Variants in CPE observed in about 807,000 individuals in gnomAD.
The protein encoded by CPE is carbocypeptidase E.
In CPE, 17 loss-of-function variants were observed where a neutral mutation model predicts 53.5. The observed-to-expected ratio is 0.32, with a 90% CI of 0.22 to 0.48. The LOEUF (loss-of-function observed/expected upper bound fraction) is 0.48, where lower values mean the gene tolerates loss of function less well. Among genes scored for constraint, CPE ranks in the 20% least tolerant of loss-of-function variants. The pLI is 0.99. For synonymous variants in CPE, 226 were observed against 228.8 expected (o/e 0.99, Z 0.11); for missense variants, 524 against 614.7 (o/e 0.85, Z 1.56).
intron 2 of CPE, among the ~76,000 whole-genome samples, chr4:165,466,785 G>GGATT (rs1685401287): frequency 6.6e-6 from 1 of 151,946 alleles, no homozygotes; most frequent in Non-Finnish European, 1.5e-5. Context: ...CAAAGTGCTG[G>GGATT]GATTACAGGC....
At chr4:165,405,884 T>C (rs1205490285) in intron 1 of CPE, 1 of 737,992 alleles carries the variant, frequency 1.4e-6, no homozygotes, top group African/African-American at 1.7e-5. Flanking sequence ...CTGTCTTTTG[T>C]TGCTATTTTA....
intron 1 of CPE, among the ~76,000 whole-genome samples, chr4:165,433,312 A>G (rs1217910764): frequency 6.6e-6 from 1 of 152,158 alleles, no homozygotes; most frequent in East Asian, 1.9e-4. Flanking sequence ...ATTTCTCGGA[A>G]GGTCAGATGA....
intron 6 of CPE, among the ~76,000 whole-genome samples, chr4:165,491,420 T>C (rs1456544129): frequency 6.6e-6 from 1 of 152,198 alleles, no homozygotes; most frequent in African/African-American, 2.4e-5. Context: ...GGGCCTCATT[T>C]TAAGAAATTT....
intron 1 of CPE, among the ~76,000 whole-genome samples, chr4:165,399,707 G>C (rs917044398): frequency 6.6e-6 from 1 of 152,120 alleles, no homozygotes; most frequent in Admixed American, 6.5e-5. Flanking sequence ...CTATATACTA[G>C]GGAGGATAAG....
intron 1 of CPE, among the ~76,000 whole-genome samples, chr4:165,417,370 G>A (rs1028929254): frequency 6.6e-6 from 1 of 152,130 alleles, no homozygotes; most frequent in African/African-American, 2.4e-5. Context: ...TTATAGAGCA[G>A]TTTCTAAGAG....
At chr4:165,436,072 T>C (rs1295432440) in intron 1 of CPE, among the ~76,000 whole-genome samples, 1 of 152,154 alleles carries the variant, frequency 6.6e-6, no homozygotes, top group Non-Finnish European at 1.5e-5. Flanking sequence ...TTAGAAACCC[T>C]AGCACTCTGT....
chr4:165,487,433 G>A lies in CPE; in HGVS notation c.974-5G>A, dbSNP rs1165653231. 1 of 1,613,506 alleles carries A rather than the reference G, an allele frequency of 6.2e-7. No individual in the cohort carries two copies. The highest frequency in any genetic ancestry group is 1.7e-5 in the Admixed American group (1 of 59,998). On this transcript the variant is annotated splice_region_variant and splice_polypyrimidine_tract_variant and intron_variant, in intron 5 of 8. Transcript: ENST00000402744. ...ATTTTGACTTTCCATTTGGTGTTTT[G>A]GCAGGGATGCAAGACTTCAATTACC...
chr4:165,466,785 GGATT>G (rs1194169261), intron 2 of CPE, among the ~76,000 whole-genome samples: 5 of 151,946 alleles, frequency 3.3e-5, no homozygotes, highest in Non-Finnish European at 5.9e-5. Flanking sequence ...CAAAGTGCTG[GGATT>G]ACAGGCGTGA....
chr4:165,404,182 T>C, intron 1 of CPE: 1 of 760,240 alleles, frequency 1.3e-6, no homozygotes, highest in Non-Finnish European at 2.5e-6. Context: ...TCTTCTGGGC[T>C]TCATACAGAT....
intron 1 of CPE, among the ~76,000 whole-genome samples, chr4:165,455,868 G>A (rs1185563853): frequency 1.3e-5 from 2 of 152,114 alleles, no homozygotes; most frequent in African/African-American, 4.8e-5. Context: ...GGCCAGGCTG[G>A]TGTGGAACTC....
At chr4:165,434,801 C>A (rs569744406) in intron 1 of CPE, among the ~76,000 whole-genome samples, 1 of 152,102 alleles carries the variant, frequency 6.6e-6, no homozygotes, top group African/African-American at 2.4e-5. Flanking sequence ...CTCCAAATCT[C>A]ATGTTGAAAT....
At position 165,397,598 on chromosome 4, in the gene CPE, G is replaced by T. The variant is rs537176557; in HGVS notation, c.307+18070G>T. 8.5e-5 allele frequency among the ~76,000 whole-genome samples: 13 copies of T among 152,252 alleles called. No individual in the cohort carries two copies. In the East Asian group the frequency reaches 2.3e-3, roughly 27 times the overall value. On this transcript the variant is annotated intron_variant, in intron 1 of 8. Coordinates refer to ENST00000402744, the MANE Select transcript of CPE (RefSeq NM_001873.4). ...GACACTCTCTTTCCATGCTTTCAAA[G>T]TAAGCATCCTTTCTACCATCTTATC...
Position 165,464,703 on chromosome 4 carries a change from G to T in CPE, c.504+117G>T, listed in dbSNP as rs191298451. On this transcript the variant is annotated intron_variant, in intron 2 of 8. Transcript: ENST00000402744. ...AAGCTTACAGATGGTGCAGTGGAGG[G>T]CATAAGTGATGCATTCATTATTCAA... The T allele has an allele frequency of 9.8e-4, 787 of 803,532 alleles. 6 individuals are homozygous for T. In the African/African-American group the frequency reaches 0.012, roughly 13 times the overall value. 49.8% of individuals were successfully genotyped at this position (803,532 alleles called of 1,614,324 possible).
intron 1 of CPE, among the ~76,000 whole-genome samples, chr4:165,410,810 A>G (rs1731029134): frequency 6.9e-6 from 1 of 145,556 alleles, no homozygotes; most frequent in Non-Finnish European, 1.5e-5. Flanking sequence ...TAGATTTAGG[A>G]AGGCAGAAAG....
At chr4:165,381,403 G>C (rs1029284344) in intron 1 of CPE, 4 of 430,968 alleles carry the variant, frequency 9.3e-6, no homozygotes, top group African/African-American at 8.2e-5. Flanking sequence ...TATGCAGTGT[G>C]GAAAAAATGA....
At chr4:165,464,720 A>G (rs1732069890) in intron 2 of CPE, 134 bp downstream of exon 2, 2 of 640,278 alleles carry the variant, frequency 3.1e-6, no homozygotes, top group African/African-American at 3.7e-5. Flanking sequence ...TGATGCATTC[A>G]TTATTCAACT....
intron 1 of CPE, among the ~76,000 whole-genome samples, chr4:165,431,360 G>T (rs751312831): frequency 1.3e-5 from 2 of 152,168 alleles, no homozygotes; most frequent in Non-Finnish European, 2.9e-5. Context: ...CGAAAAAGGC[G>T]AAAGGACCGG....
rs1048617191 is a variant in CPE, at chr4:165,479,524, C to T, written c.673-2718C>T. On this transcript the variant is annotated intron_variant, in intron 3 of 8. Transcript: ENST00000402744. ...TAGTGGTCACTTAATACTTATTGAA[C>T]GAATGAATGAAATGGAAAAGCAAAG... Among the ~76,000 whole-genome samples the T allele has an allele frequency of 3.9e-5, 6 of 151,958 alleles. No individual in the cohort carries two copies. In the East Asian group the frequency reaches 5.8e-4, roughly 15 times the overall value.
At chr4:165,463,173 A>G (rs889807266) in intron 1 of CPE, among the ~76,000 whole-genome samples, 3 of 152,188 alleles carry the variant, frequency 2.0e-5, no homozygotes, top group East Asian at 3.9e-4. Context: ...AGCAAAGTAT[A>G]TCCTCTTTGG....
Sources: allele counts gnomAD v4.1 joint callset (sites outside exome capture counted in the v4.1 genomes callset), GRCh38; gene constraint gnomAD v4.1.1; transcripts MANE v1.5; gene names NCBI Gene and HGNC (gene_info 2026-07-23, HGNC 2026-07-21).